Variants in CLK1 observed in about 807,000 individuals in gnomAD.
CLK1 encodes the protein CDC like kinase 1.
CLK1 carries 40 observed loss-of-function variants against 60.9 expected under a neutral mutation model. That is an observed-to-expected ratio of 0.66 (90% CI 0.51 to 0.86). The LOEUF is 0.86. Ranked by LOEUF, CLK1 falls within the 40% of genes least tolerant of loss-of-function variation. The probability of loss-of-function intolerance (pLI) is 0.00; values close to 1 mark genes in which losing one functional copy is unlikely to be tolerated. For synonymous variants in CLK1, 203 were observed against 184.4 expected, an observed-to-expected ratio of 1.10 and a Z score of -0.82; for missense variants, 563 against 606.1, an observed-to-expected ratio of 0.93 and a Z score of 0.75.
intron 5 of CLK1, 55 bp from the exon 6 acceptor site, chr2:200,858,144 G>C: frequency 1.8e-6 from 2 of 1,127,702 alleles, no homozygotes; most frequent in Non-Finnish European, 2.7e-6. Context: ...CTCAATTCCA[G>C]GTATTACTGT....
chr2:200,860,345 C>T (rs2039117399), intron 3 of CLK1, 130 bp from the exon 4 acceptor site: 1 of 1,476,822 alleles, frequency 6.8e-7, no homozygotes, highest in Non-Finnish European at 9.0e-7. Context: ...AGGCCACAAA[C>T]GGTTGGCAGG....
At chr2:200,864,375 GGCGACAGGCT>G (rs2039195503) in intron 1 of CLK1, 179 bp downstream of exon 1, 1 of 1,123,156 alleles carries the variant, frequency 8.9e-7, no homozygotes, top group Non-Finnish European at 1.2e-6. Context: ...CGGATCCGGC[GGCGACAGGCT>G]CGGCCGCGCA....
Position 200,861,758 on chromosome 2 carries a change from A to T in CLK1, c.105T>A (p.His35Gln), listed in dbSNP as rs1173746499. ...SSSHKRRKRS[H>Q]SSAQENKRCK... ...AGCGCTTGTTCTCCTGGGCACTGCT[A>T]TGTGATCTCTTCCTTCTTTTATGAC... Residue 35 changes from histidine to glutamine, a missense_variant, in exon 2 of 13, where the codon CAT becomes CAA. Transcript: ENST00000321356. The T allele has an allele frequency of 6.2e-7, 1 of 1,614,124 alleles. No individual in the cohort carries two copies. The highest frequency in any genetic ancestry group is 1.7e-5 in the Admixed American group (1 of 60,024).
chr2:200,860,514 T>C (rs1480422457), intron 3 of CLK1: 1 of 1,100,068 alleles, frequency 9.1e-7, no homozygotes, highest in Non-Finnish European at 1.1e-6. Flanking sequence ...AAATGCTTAG[T>C]TGTAGCATTC....
At chr2:200,854,200 A>G in intron 11 of CLK1, 1 of 461,060 alleles carries the variant, frequency 2.2e-6, no homozygotes, top group South Asian at 3.0e-5. Flanking sequence ...ATAAAGTCCT[A>G]ATCAGCGCCT....
chr2:200,857,058 C>T, intron 7 of CLK1, 73 bp from the exon 8 acceptor site: 1 of 1,228,240 alleles, frequency 8.1e-7, no homozygotes, highest in Non-Finnish European at 1.2e-6. Flanking sequence ...CCACAACAGG[C>T]CGGGTGCAGT....
chr2:200,856,063 G>A (rs2039034959), intron 9 of CLK1, among the ~76,000 whole-genome samples: 1 of 150,916 alleles, frequency 6.6e-6, no homozygotes, highest in South Asian at 2.1e-4. Flanking sequence ...ATATAGTCTG[G>A]AATAAAATAG....
chr2:200,859,234 T>C (rs1575079157), intron 5 of CLK1, among the ~76,000 whole-genome samples: 2 of 152,124 alleles, frequency 1.3e-5, no homozygotes, highest in Admixed American at 6.6e-5. Context: ...TAATTAAACT[T>C]GGGACACCAA....
At position 200,856,798 on chromosome 2, in the gene CLK1, C is replaced by T. The variant is rs201980922; in HGVS notation, c.941G>A (p.Arg314His). The change falls in exon 9 of 13, where the codon CGC (arginine) becomes CAC (histidine). Residue 314 changes from arginine (R) to histidine (H), a missense_variant. Physicochemically the swap from Arg to His is conservative, Grantham distance 29 (BLOSUM62 0). Around this residue, in one of 3 missense-constraint regions of CLK1, gnomAD observed 360 missense variants for 407.0 expected, o/e 0.88. Transcript: ENST00000321356. The stretch of plus-strand genomic sequence containing the variant: ...TTTAATATCTGGATTTATTAAGGTG[C>T]GTTCATCACGTTTCTGAAAATCATA... ...AYNPKIKRDE[R>H]TLINPDIKVV... The T allele has an allele frequency of 1.7e-5, 28 of 1,612,558 alleles. No individual in the cohort carries two copies. Among genetic ancestry groups the T allele is most frequent in the Non-Finnish European group, 2.3e-5 (27 of 1,179,410 alleles).
chr2:200,860,606 G>A (rs927747774), intron 3 of CLK1: 3 of 997,546 alleles, frequency 3.0e-6, no homozygotes, highest in Non-Finnish European at 3.6e-6. Flanking sequence ...TGTCAAAGTA[G>A]GCGGTGGCCA....
intron 3 of CLK1, chr2:200,860,532 CA>C: frequency 9.4e-7 from 1 of 1,067,060 alleles, no homozygotes; most frequent in Admixed American, 5.0e-5. Flanking sequence ...TTCACTGAAA[CA>C]TAATTTTTTA....
intron 1 of CLK1, chr2:200,864,015 A>C: frequency 7.0e-7 from 1 of 1,430,050 alleles, no homozygotes; most frequent in South Asian, 1.4e-5. Flanking sequence ...CACTGAGGAC[A>C]AAGCCACTCG....
In CLK1 at chr2:200,858,080, T is replaced by TCTAC; in HGVS notation, c.554_557dup (p.His187Ter). On this transcript the variant is annotated stop_gained and frameshift_variant, in exon 6 of 13. Coordinates refer to ENST00000321356, the MANE Select transcript of CLK1 (RefSeq NM_004071.4). LOFTEE classifies it high-confidence loss of function. ...TTTTAACTATTTTTACTGCTACATG[T>TCTAC]CTACCTCCCCTGTTAGAAAGATGCA... 6.2e-7 allele frequency: 1 copy of TCTAC among 1,605,944 alleles called. No homozygotes were observed. Among genetic ancestry groups the TCTAC allele is most frequent in the Non-Finnish European group, 8.5e-7 (1 of 1,172,522 alleles).
At position 200,857,835 on chromosome 2, in the gene CLK1, T is replaced by A. The variant is rs1412183087; in HGVS notation, c.715A>T (p.Ile239Phe). The change falls in exon 7 of 13, where the codon ATT becomes TTT. Residue 239 changes from isoleucine to phenylalanine, a missense_variant. Physicochemically the swap from Ile to Phe is conservative, Grantham distance 21. Around this residue, in one of 3 missense-constraint regions of CLK1, gnomAD observed 360 missense variants for 407.0 expected, o/e 0.88. Transcript: ENST00000321356. Reference sequence around the variant, plus strand: ...CTAAGTCCCAATAGTTCAAAAACAATGCAAATGTGACCATGATGCTCAAAC... The same window carrying A: ...CTAAGTCCCAATAGTTCAAAAACAAAGCAAATGTGACCATGATGCTCAAAC... Reference protein sequence around the residue: ...EWFEHHGHICIVFELLGLSTY... With the variant: ...EWFEHHGHICFVFELLGLSTY... 6.2e-7 allele frequency: 1 copy of A among 1,613,850 alleles called. No homozygotes were observed. Among genetic ancestry groups the A allele is most frequent in the Non-Finnish European group, 8.5e-7 (1 of 1,179,846 alleles).
intron 1 of CLK1, chr2:200,864,269 G>C: frequency 6.7e-7 from 1 of 1,501,618 alleles, no homozygotes; most frequent in Non-Finnish European, 8.9e-7. Context: ...GCGCCCGCCC[G>C]ACCGTCCCGC....
At chr2:200,860,781 C>G in intron 3 of CLK1, 1 of 1,017,032 alleles carries the variant, frequency 9.8e-7, no homozygotes, top group Non-Finnish European at 1.2e-6. Context: ...CATAACAGTT[C>G]AAATCTGTTC....
chr2:200,861,677 C>T (rs1393746123), intron 2 of CLK1, 25 bp downstream of exon 2: 2 of 1,611,546 alleles, frequency 1.2e-6, no homozygotes, highest in South Asian at 1.1e-5. Context: ...TTGTTATATT[C>T]AGACATTTTA....
rs1265362983 is a variant in CLK1 at position 200,857,783 on chromosome 2, C to G, written c.767G>C (p.Gly256Ala). 1 of 1,613,038 alleles carries G rather than the reference C, an allele frequency of 6.2e-7. No individual in the cohort carries two copies. Among genetic ancestry groups the G allele is most frequent in the South Asian group, 1.1e-5 (1 of 90,808 alleles). Residue 256 changes from glycine (G) to alanine (A), a missense_variant, in exon 7 of 13, where the codon GGT (glycine) becomes GCT (alanine). By Grantham distance (60) the Gly-to-Ala change is moderately conservative. Around this residue, in one of 3 missense-constraint regions of CLK1, gnomAD observed 360 missense variants for 407.0 expected, o/e 0.88. Coordinates refer to ENST00000321356, the MANE Select transcript of CLK1 (RefSeq NM_004071.4). ...ATGATCCAGTCGAAATGGTAGAAAA[C>G]CATTTTCTTTAATGAAGTCGTAAGT... ...LSTYDFIKEN[G>A]FLPFRLDHIR...
intron 7 of CLK1, chr2:200,857,192 G>C: frequency 1.8e-6 from 1 of 540,780 alleles, no homozygotes; most frequent in South Asian, 2.2e-5. Context: ...TGTAGTCCTA[G>C]CTACTCGGGA....
Sources: gnomAD v4.1 joint callset for allele counts (sites outside exome capture counted in the v4.1 genomes callset) on GRCh38, gnomAD v4.1.1 for gene constraint, gnomAD v4.1.1 regional missense constraint, MANE v1.5 for transcripts, NCBI Gene and HGNC (gene_info 2026-07-23, HGNC 2026-07-21) for gene names.